The following PCDH11X variants were observed in gnomAD, a reference collection of about 807,000 sequenced individuals.
PCDH11X encodes protocadherin 11 X-linked.
In PCDH11X, 18 loss-of-function variants were observed where a neutral mutation model predicts 53.3. The observed-to-expected ratio is 0.34, with a 90% confidence interval of 0.23 to 0.50. PCDH11X has a LOEUF of 0.50. Ranked by LOEUF, PCDH11X falls within the 20% of genes least tolerant of loss-of-function variation. The pLI is 0.98. For missense variants in PCDH11X, 570 were observed against 1,032.4 expected (o/e 0.55, Z 6.14); for synonymous variants, 279 against 393.3 (o/e 0.71, Z 3.44).
intron 6 of PCDH11X, among the ~76,000 whole-genome samples, chrX:92,013,643 C>T (rs1446061792): frequency 1.8e-5 from 2 of 111,653 alleles, no homozygotes; most frequent in Non-Finnish European, 3.8e-5. Context: ...TACTACAAGG[C>T]TACAGTAACC....
intron 9 of PCDH11X, among the ~76,000 whole-genome samples, chrX:92,424,993 A>G (rs1195524865): frequency 5.1e-5 from 5 of 97,321 alleles, no homozygotes; most frequent in African/African-American, 1.7e-4. Context: ...TGAGAAGCAG[A>G]TGCTGGCTAA....
intron 6 of PCDH11X, chrX:91,883,235 C>T: frequency 1.2e-6 from 1 of 857,812 alleles, no homozygotes; most frequent in East Asian, 7.9e-5. Flanking sequence ...TAATATAAGG[C>T]TGTCTTGGTG....
intron 10 of PCDH11X, among the ~76,000 whole-genome samples, chrX:92,481,730 C>T (rs918732619): frequency 2.7e-5 from 3 of 111,742 alleles, no homozygotes; most frequent in Admixed American, 1.9e-4. Context: ...CCATGCTCTG[C>T]TACAGACGCT....
In PCDH11X at chrX:92,186,563, G is replaced by A. The variant is rs183277696; in HGVS notation, c.3034-14812G>A. On this transcript the variant is annotated intron_variant, in intron 6 of 10. Coordinates refer to ENST00000682573, the MANE Select transcript of PCDH11X (RefSeq NM_032968.5). ...GAACGGCTTGAACCCGGGAGGCGGAGGTTGCGGTGAGCCGAGATTGCGCCA... is the reference window on the plus strand; with the variant it reads ...GAACGGCTTGAACCCGGGAGGCGGAAGTTGCGGTGAGCCGAGATTGCGCCA... 2.0e-4 allele frequency among the ~76,000 whole-genome samples: 21 copies of A among 107,478 alleles called. No homozygotes were observed. The East Asian group carries it at 6.2e-3, about 32-fold the overall frequency. 93.3% of individuals were successfully genotyped at this position (107,478 alleles called of 115,157 possible).
At chrX:92,419,922 C>T (rs2071921509) in intron 9 of PCDH11X, among the ~76,000 whole-genome samples, 1 of 110,107 alleles carries the variant, frequency 9.1e-6, no homozygotes, top group African/African-American at 3.3e-5. Context: ...CCTCGTGATC[C>T]ACCCGCCTCA....
At chrX:92,527,471 G>T (rs2074476510) in intron 10 of PCDH11X, among the ~76,000 whole-genome samples, 1 of 110,630 alleles carries the variant, frequency 9.0e-6, no homozygotes, top group African/African-American at 3.3e-5. Flanking sequence ...CAATTCCCAT[G>T]AAGAATATTT....
intron 6 of PCDH11X, among the ~76,000 whole-genome samples, chrX:91,934,329 A>G (rs972120124): frequency 9.0e-6 from 1 of 111,247 alleles, no homozygotes; most frequent in African/African-American, 3.3e-5. Context: ...TTGGAATAGC[A>G]CCCATAATTA....
intron 9 of PCDH11X, among the ~76,000 whole-genome samples, chrX:92,463,982 G>T (rs1390803496): frequency 1.8e-5 from 2 of 111,567 alleles, no homozygotes; most frequent in Non-Finnish European, 3.8e-5. Context: ...TGCATATTTT[G>T]TGAAAATGTT....
At chrX:92,544,940 A>T (rs989117347) in intron 10 of PCDH11X, among the ~76,000 whole-genome samples, 37 of 111,582 alleles carry the variant, frequency 3.3e-4, no homozygotes, top group Non-Finnish European at 5.8e-4. Flanking sequence ...CCCCTACAAA[A>T]CACAGTCAGA....
intron 7 of PCDH11X, among the ~76,000 whole-genome samples, chrX:92,207,122 T>TA (rs1014732258): frequency 1.8e-5 from 2 of 111,692 alleles, no homozygotes; most frequent in Admixed American, 1.9e-4. Flanking sequence ...CTTCAGAAGT[T>TA]AAATCAAACC....
intron 10 of PCDH11X, among the ~76,000 whole-genome samples, chrX:92,607,028 T>G (rs1279580897): frequency 9.0e-6 from 1 of 111,499 alleles, no homozygotes; most frequent in Admixed American, 9.6e-5. Context: ...TAACGAATGT[T>G]GGTAAGTGCG....
chrX:91,891,949 A>G (rs1940497882), intron 6 of PCDH11X, among the ~76,000 whole-genome samples: 1 of 96,788 alleles, frequency 1.0e-5, no homozygotes, highest in Non-Finnish European at 2.1e-5. Context: ...AAAAAGAAAA[A>G]GAAAAAAAGC....
At chrX:92,262,771 A>T (rs529477139) in intron 7 of PCDH11X, among the ~76,000 whole-genome samples, 1 of 111,479 alleles carries the variant, frequency 9.0e-6, no homozygotes, top group South Asian at 3.7e-4. Context: ...AATAAGTGAC[A>T]CCATAACAGA....
chrX:92,105,483 C>T (rs1419302238), intron 6 of PCDH11X, among the ~76,000 whole-genome samples: 1 of 110,211 alleles, frequency 9.1e-6, no homozygotes, highest in Non-Finnish European at 1.9e-5. Flanking sequence ...TTTGTGTGAG[C>T]AACATGGCTG....
intron 10 of PCDH11X, among the ~76,000 whole-genome samples, chrX:92,582,385 C>T (rs1322410282): frequency 9.0e-6 from 1 of 110,820 alleles, no homozygotes; most frequent in Non-Finnish European, 1.9e-5. Context: ...TAAAAGGGAC[C>T]AAGATACAGC....
At chrX:92,600,605 G>A (rs367662432) in intron 10 of PCDH11X, among the ~76,000 whole-genome samples, 130 of 109,984 alleles carry the variant, frequency 1.2e-3, no homozygotes, top group African/African-American at 4.1e-3. Context: ...GAATCCTCAC[G>A]GAGAACCTCT....
intron 9 of PCDH11X, among the ~76,000 whole-genome samples, chrX:92,399,082 G>T (rs1349592361): frequency 5.6e-5 from 6 of 107,473 alleles, no homozygotes; most frequent in African/African-American, 2.0e-4. Context: ...GGTCCCAGCT[G>T]CTCGGGAGGC....
At chrX:91,947,405 A>AT (rs1402677653) in intron 6 of PCDH11X, among the ~76,000 whole-genome samples, 34 of 101,822 alleles carry the variant, frequency 3.3e-4, no homozygotes, top group African/African-American at 6.8e-4. Context: ...TGTGTTTTGC[A>AT]TACATACACT....
chrX:92,437,096 A>G (rs1177928374), intron 9 of PCDH11X, among the ~76,000 whole-genome samples: 178 of 111,213 alleles, frequency 1.6e-3, no homozygotes, highest in African/African-American at 5.7e-3. Flanking sequence ...GCCTGTATCA[A>G]AACATCTCAT....
Sources: gnomAD v4.1 joint callset for allele counts (sites outside exome capture counted in the v4.1 genomes callset) on GRCh38, gnomAD v4.1.1 for gene constraint, MANE v1.5 for transcripts, NCBI Gene and HGNC (gene_info 2026-07-23, HGNC 2026-07-21) for gene names.